RALGPS2: variants seen among roughly 807,000 people sequenced by gnomAD.
The protein encoded by RALGPS2 is Ral GEF with PH domain and SH3 binding motif 2.
A neutral mutation model predicts 86.8 loss-of-function variants in RALGPS2; 43 were observed. The ratio of observed to expected loss-of-function variants is 0.50; its 90% CI spans 0.39 to 0.64. RALGPS2 has a LOEUF of 0.64. Among genes scored for constraint, RALGPS2 ranks in the 30% least tolerant of loss-of-function variants. The pLI is 0.00. For synonymous variants in RALGPS2, 243 were observed against 231.3 expected (o/e 1.05, Z -0.46); for missense variants, 536 against 694.6 (o/e 0.77, Z 2.57).
At chr1:178,879,799 A>C (rs978102286) in intron 10 of RALGPS2, 5 of 152,048 alleles carry the variant, frequency 3.3e-5, no homozygotes, top group African/African-American at 1.2e-4. Flanking sequence ...AAAAAAAAAA[A>C]AAAAAAAAAA....
intron 4 of RALGPS2, among the ~76,000 whole-genome samples, chr1:178,807,699 G>A (rs1572352778): frequency 6.6e-6 from 1 of 152,132 alleles, no homozygotes; most frequent in Non-Finnish European, 1.5e-5. Flanking sequence ...AGCTGATTGG[G>A]AGCTCTGGGT....
intron 13 of RALGPS2, among the ~76,000 whole-genome samples, chr1:178,887,343 C>T (rs1177301930): frequency 6.6e-6 from 1 of 152,040 alleles, no homozygotes. Context: ...ATCCCAGCTA[C>T]TTAGGAGGCT....
At chr1:178,733,261 A>G (rs951984473) in intron 1 of RALGPS2, among the ~76,000 whole-genome samples, 1 of 152,240 alleles carries the variant, frequency 6.6e-6, no homozygotes, top group Admixed American at 6.5e-5. Flanking sequence ...ATTAAACAAT[A>G]CTATTAAGAG....
chr1:178,846,252 G>A (rs2102278955), intron 8 of RALGPS2, among the ~76,000 whole-genome samples: 1 of 152,190 alleles, frequency 6.6e-6, no homozygotes, highest in East Asian at 1.9e-4. Context: ...ATGCCTGTTG[G>A]TCAATAAATG....
At chr1:178,823,810 G>C (rs1655620864) in intron 7 of RALGPS2, among the ~76,000 whole-genome samples, 3 of 152,184 alleles carry the variant, frequency 2.0e-5, no homozygotes, top group Admixed American at 2.0e-4. Flanking sequence ...GTTTGAGTTG[G>C]CTAGTAAACA....
intron 1 of RALGPS2, chr1:178,747,606 T>C: frequency 6.3e-7 from 1 of 1,587,800 alleles, no homozygotes; most frequent in South Asian, 1.1e-5. Flanking sequence ...ATGTAACTCC[T>C]TTGTCCTCTT....
Position 178,785,605 on chromosome 1 carries a change from G to C in RALGPS2, c.211G>C (p.Asp71His), listed in dbSNP as rs567269357. 1.5e-5 allele frequency: 23 copies of C among 1,580,358 alleles called. No homozygotes were observed. In the South Asian group the frequency reaches 2.5e-4, roughly 17 times the overall value. Residue 71 changes from aspartate (D) to histidine (H), a missense_variant and splice_region_variant, in exon 4 of 20, where the codon GAT becomes CAT. Asp to His is a moderately conservative substitution (Grantham distance 81). Coordinates refer to ENST00000367635, the MANE Select transcript of RALGPS2 (RefSeq NM_152663.5). ...TCCAGTATTTAAAGCTATTCAACCA[G>C]ATGTAAGTAGTTTTGAGAATGTTCC... ...DVPVFKAIQP[D>H]ELSSCGWNKK...
intron 4 of RALGPS2, among the ~76,000 whole-genome samples, chr1:178,801,516 G>T (rs1023632604): frequency 1.3e-5 from 2 of 151,982 alleles, no homozygotes; most frequent in African/African-American, 4.8e-5. Flanking sequence ...GTGGATTGTG[G>T]CTTCATTTTT....
intron 5 of RALGPS2, among the ~76,000 whole-genome samples, chr1:178,808,847 CA>C: frequency 6.6e-6 from 1 of 152,170 alleles, no homozygotes; most frequent in East Asian, 1.9e-4. Flanking sequence ...CTGTAGTTAA[CA>C]AATTCTTCTT....
intron 2 of RALGPS2, among the ~76,000 whole-genome samples, chr1:178,779,755 CAG>C (rs1296636795): frequency 2.0e-5 from 3 of 152,146 alleles, no homozygotes; most frequent in Non-Finnish European, 4.4e-5. Context: ...GGGTTTGAGA[CAG>C]AGTTTTGTTC....
At chr1:178,748,091 G>C (rs896982515) in intron 1 of RALGPS2, among the ~76,000 whole-genome samples, 1 of 151,692 alleles carries the variant, frequency 6.6e-6, no homozygotes, top group Non-Finnish European at 1.5e-5. Flanking sequence ...AGGCCGAGGC[G>C]GGTGGATCAC....
chr1:178,813,793 A>T (rs1655102418), intron 6 of RALGPS2, among the ~76,000 whole-genome samples: 1 of 152,180 alleles, frequency 6.6e-6, no homozygotes, highest in Admixed American at 6.5e-5. Flanking sequence ...AAAGCCTTTC[A>T]ACTGATCAAA....
chr1:178,776,582 G>T, intron 1 of RALGPS2, 100 bp from the exon 2 acceptor site: 1 of 469,490 alleles, frequency 2.1e-6, no homozygotes, highest in Non-Finnish European at 3.8e-6. Flanking sequence ...ATAGAGTTTA[G>T]TGAAGTTGAA....
intron 8 of RALGPS2, among the ~76,000 whole-genome samples, chr1:178,877,277 G>A (rs1342866945): frequency 6.6e-6 from 1 of 151,986 alleles, no homozygotes; most frequent in African/African-American, 2.4e-5. Flanking sequence ...TTACAAAATA[G>A]CATATTATTA....
chr1:178,900,515 G>T (rs762894960), intron 17 of RALGPS2, among the ~76,000 whole-genome samples: 1 of 151,698 alleles, frequency 6.6e-6, no homozygotes, highest in Admixed American at 6.6e-5. Context: ...TATTTAGCTT[G>T]GTAATAACCA....
chr1:178,901,969 G>A (rs1296486086), intron 17 of RALGPS2, 137 bp from the exon 18 acceptor site: 1 of 627,864 alleles, frequency 1.6e-6, no homozygotes, highest in Non-Finnish European at 2.8e-6. Flanking sequence ...AAAGGCCCCA[G>A]GCTGGCTGAG....
intron 1 of RALGPS2, among the ~76,000 whole-genome samples, chr1:178,769,107 A>C (rs1378959704): frequency 6.6e-6 from 1 of 151,882 alleles, no homozygotes; most frequent in Non-Finnish European, 1.5e-5. Flanking sequence ...TCAGGCTACC[A>C]ATCCCAGCAA....
At chr1:178,884,155 T>C (rs936169770) in intron 11 of RALGPS2, among the ~76,000 whole-genome samples, 2 of 152,200 alleles carry the variant, frequency 1.3e-5, no homozygotes, top group Non-Finnish European at 2.9e-5. Context: ...TTGATTACAC[T>C]AGAAATTTCT....
intron 16 of RALGPS2, chr1:178,894,282 A>AT: frequency 3.8e-6 from 1 of 266,444 alleles, no homozygotes; most frequent in Non-Finnish European, 7.0e-6. Flanking sequence ...CACAAATATA[A>AT]TACCTTTTCT....
Sources: allele counts gnomAD v4.1 joint callset (sites outside exome capture counted in the v4.1 genomes callset), GRCh38; gene constraint gnomAD v4.1.1; transcripts MANE v1.5; gene names NCBI Gene and HGNC (gene_info 2026-07-23, HGNC 2026-07-21).